Variants in GSE1 observed in about 807,000 individuals in gnomAD.
GSE1 encodes the protein Gse1 coiled-coil protein, also known as genetic suppressor element 1.
GSE1 carries 32 observed loss-of-function variants against 112.6 expected under a neutral mutation model. The observed-to-expected ratio is 0.28, with a 90% CI of 0.21 to 0.38. The LOEUF is 0.38. Among genes scored for constraint, GSE1 ranks in the 10% least tolerant of loss-of-function variants. The pLI, the probability that GSE1 is intolerant of heterozygous loss-of-function variation, is 1.00. For synonymous variants in GSE1, 1,115 were observed against 735.6 expected, an observed-to-expected ratio of 1.52 and a Z score of -8.35; for missense variants, 2,348 against 1,699.2, an observed-to-expected ratio of 1.38 and a Z score of -6.71.
intron 1 of GSE1, among the ~76,000 whole-genome samples, chr16:85,348,730 C>T (rs2046793917): frequency 6.6e-6 from 1 of 152,186 alleles, no homozygotes; most frequent in Non-Finnish European, 1.5e-5. Flanking sequence ...TGCTTTTGTG[C>T]ATGTGTTTCG....
intron 1 of GSE1, among the ~76,000 whole-genome samples, chr16:85,260,067 G>C (rs890972018): frequency 6.6e-6 from 1 of 152,174 alleles, no homozygotes; most frequent in African/African-American, 2.4e-5. Flanking sequence ...GGGGGCTGGT[G>C]TCCCCGTGTG....
intron 1 of GSE1, among the ~76,000 whole-genome samples, chr16:85,294,142 G>C (rs990163853): frequency 2.6e-5 from 4 of 152,136 alleles, no homozygotes; most frequent in African/African-American, 9.7e-5. Flanking sequence ...GTTCCAGCTG[G>C]CATCTCTCCA....
At chr16:85,372,228 T>C (rs943557975) in intron 2 of GSE1, among the ~76,000 whole-genome samples, 1 of 152,032 alleles carries the variant, frequency 6.6e-6, no homozygotes, top group Non-Finnish European at 1.5e-5. Flanking sequence ...CGCGGTGGCT[T>C]GTGCTTGTGA....
intron 1 of GSE1, among the ~76,000 whole-genome samples, chr16:85,229,383 T>C (rs999410987): frequency 3.3e-5 from 5 of 152,216 alleles, no homozygotes; most frequent in African/African-American, 9.6e-5. Flanking sequence ...TTCAGCTCAC[T>C]GGGGCCTTGG....
intron 2 of GSE1, among the ~76,000 whole-genome samples, chr16:85,422,786 C>T (rs1413935551): frequency 1.3e-5 from 2 of 152,100 alleles, no homozygotes; most frequent in Non-Finnish European, 2.9e-5. Context: ...CGCTGCTGCC[C>T]TGGGTTTGGA....
At chr16:85,467,268 C>T (rs760001341) in intron 2 of GSE1, among the ~76,000 whole-genome samples, 8 of 152,204 alleles carry the variant, frequency 5.3e-5, no homozygotes, top group Non-Finnish European at 8.8e-5. Flanking sequence ...ACGGGTTGTG[C>T]GCAAGACACT....
chr16:85,640,217 G>A (rs965687457), intron 2 of GSE1, among the ~76,000 whole-genome samples: 2 of 152,142 alleles, frequency 1.3e-5, no homozygotes, highest in Non-Finnish European at 1.5e-5. Context: ...CAGCCCGGTG[G>A]CCGGGACTCA....
intron 1 of GSE1, among the ~76,000 whole-genome samples, chr16:85,223,011 T>A (rs1017796206): frequency 2.0e-5 from 3 of 152,236 alleles, no homozygotes; most frequent in African/African-American, 7.2e-5. Context: ...CTTACCGGAC[T>A]GCTTCCCTCT....
intron 1 of GSE1, among the ~76,000 whole-genome samples, chr16:85,337,843 C>T (rs967180925): frequency 2.0e-5 from 3 of 152,370 alleles, no homozygotes; most frequent in Admixed American, 6.5e-5. Context: ...CATGCGGCGC[C>T]GTCAGTGTTC....
chr16:85,533,413 C>T (rs1040197749), intron 2 of GSE1, among the ~76,000 whole-genome samples: 2 of 151,774 alleles, frequency 1.3e-5, no homozygotes, highest in Admixed American at 6.6e-5. Flanking sequence ...CAGCGAGACT[C>T]CGTTTCAAAA....
At chr16:85,427,337 AT>A (rs1451154273) in intron 2 of GSE1, among the ~76,000 whole-genome samples, 1 of 152,184 alleles carries the variant, frequency 6.6e-6, no homozygotes, top group East Asian at 1.9e-4. Context: ...AAAGAGTGAA[AT>A]TGATTTTAAC....
intron 1 of GSE1, among the ~76,000 whole-genome samples, chr16:85,330,832 C>T (rs998624): frequency 0.25 from 37,326 of 152,142 alleles, 4,761 homozygotes; most frequent in Non-Finnish European, 0.29. Context: ...CTTTCTCTAT[C>T]TCCCTCCTCC....
rs372528431 is a variant in GSE1, at chr16:85,230,470, G to A, written c.2283+58663G>A. Among the ~76,000 whole-genome samples the A allele has an allele frequency of 1.4e-4, 21 of 152,296 alleles. 1 individual carries two copies. The East Asian group carries it at 1.7e-3, about 13-fold the overall frequency. On this transcript the variant is annotated intron_variant, in intron 1 of 2. Coordinates refer to the GSE1 transcript ENST00000637419. ...GGGTTTACTGACTCGTGTAACCGAT[G>A]GGGTGACATTGGCTTCAGCCTCTTG...
At chr16:85,297,704 G>T (rs2045407513) in intron 1 of GSE1, among the ~76,000 whole-genome samples, 1 of 152,062 alleles carries the variant, frequency 6.6e-6, no homozygotes, top group Non-Finnish European at 1.5e-5. Flanking sequence ...TGTAGACAGG[G>T]TCTCACTTTG....
At chr16:85,171,917 G>T (rs4783141) in intron 1 of GSE1, 2 of 566,096 alleles carry the variant, frequency 3.5e-6, no homozygotes, top group Non-Finnish European at 4.5e-6. Flanking sequence ...GTTTTCACTG[G>T]TTCTGTGCGG....
intron 1 of GSE1, among the ~76,000 whole-genome samples, chr16:85,270,992 C>T (rs922557352): frequency 6.6e-6 from 1 of 152,188 alleles, no homozygotes; most frequent in African/African-American, 2.4e-5. Context: ...TAATCTCCCC[C>T]GTCTCACTGA....
At chr16:85,499,243 G>T (rs1409559740) in intron 2 of GSE1, among the ~76,000 whole-genome samples, 5 of 151,244 alleles carry the variant, frequency 3.3e-5, no homozygotes, top group Non-Finnish European at 1.5e-5. Flanking sequence ...ACCCAGATGG[G>T]CATCAGCGAG....
chr16:85,288,821 C>G (rs1202417707), intron 1 of GSE1, among the ~76,000 whole-genome samples: 1 of 152,214 alleles, frequency 6.6e-6, no homozygotes, highest in East Asian at 1.9e-4. Context: ...CTGTCAGCAT[C>G]TGCAGGAGGC....
At chr16:85,670,798 CTT>C in intron 14 of GSE1, 195 bp from the exon 15 acceptor site, 1 of 424,426 alleles carries the variant, frequency 2.4e-6, no homozygotes. Context: ...GTGTATTGGG[CTT>C]AATTTAGTGA....
Sources: allele counts gnomAD v4.1 joint callset (sites outside exome capture counted in the v4.1 genomes callset), GRCh38; gene constraint gnomAD v4.1.1; transcripts MANE v1.5; gene names NCBI Gene and HGNC (gene_info 2026-07-23, HGNC 2026-07-21).